SSH2: variants seen among roughly 807,000 people sequenced by gnomAD.
SSH2 encodes the protein protein phosphatase Slingshot homolog 2.
Under a neutral mutation model 135.2 loss-of-function variants are expected in SSH2, and 37 were observed. That is an observed-to-expected ratio of 0.27 (90% CI 0.21 to 0.36). The LOEUF is 0.36. Among genes scored for constraint, SSH2 ranks in the 10% least tolerant of loss-of-function variants. The probability of loss-of-function intolerance (pLI) is 1.00; values close to 1 mark genes in which losing one functional copy is unlikely to be tolerated. For synonymous variants in SSH2, 628 were observed against 646.2 expected, an observed-to-expected ratio of 0.97 and a Z score of 0.43; for missense variants, 1,408 against 1,765.3, an observed-to-expected ratio of 0.80 and a Z score of 3.63.
intron 9 of SSH2, among the ~76,000 whole-genome samples, chr17:29,670,401 G>C (rs2037444901): frequency 6.6e-6 from 1 of 152,128 alleles, no homozygotes; most frequent in African/African-American, 2.4e-5. Flanking sequence ...CTACTAAAAA[G>C]AAGGTCCTAG....
At chr17:29,827,500 T>C (rs1345296480) in intron 2 of SSH2, among the ~76,000 whole-genome samples, 1 of 152,208 alleles carries the variant, frequency 6.6e-6, no homozygotes, top group Non-Finnish European at 1.5e-5. Flanking sequence ...GCTTGGAACA[T>C]ACTAAGTTAG....
chr17:29,737,098 C>CAAA (rs59098464), intron 3 of SSH2, among the ~76,000 whole-genome samples: 5 of 63,402 alleles, frequency 7.9e-5, no homozygotes, highest in East Asian at 7.9e-4. Context: ...GACTCTGTCT[C>CAAA]AAAAAAAAAA....
intron 3 of SSH2, among the ~76,000 whole-genome samples, chr17:29,761,871 G>GTGTATATA (rs1334168372): frequency 4.1e-5 from 4 of 98,740 alleles, no homozygotes; most frequent in African/African-American, 1.7e-4. Flanking sequence ...GTGTGTGTGT[G>GTGTATATA]TATATATATA....
At chr17:29,842,475 C>T (rs78154346) in intron 2 of SSH2, among the ~76,000 whole-genome samples, 58,361 of 147,426 alleles carry the variant, frequency 0.4, 14,095 homozygotes, top group East Asian at 0.69. Flanking sequence ...AAAAAAAGAT[C>T]ATCAGGTGAT....
At chr17:29,756,190 T>TTGAACCCAGGGGGCGGAGGTTGCGG (rs1420602930) in intron 3 of SSH2, among the ~76,000 whole-genome samples, 137 of 151,344 alleles carry the variant, frequency 9.1e-4, no homozygotes, top group African/African-American at 3.2e-3. Context: ...AAAGAATCGC[T>TTGAACCCAGGGGGCGGAGGTTGCGG]TGAACCCAGG....
intron 3 of SSH2, among the ~76,000 whole-genome samples, chr17:29,704,278 A>G (rs1039845861): frequency 1.3e-5 from 2 of 152,232 alleles, no homozygotes; most frequent in African/African-American, 4.8e-5. Context: ...AAATTTTACT[A>G]CTGCCAACTT....
chr17:29,739,625 G>T (rs1567934437), intron 3 of SSH2, among the ~76,000 whole-genome samples: 1 of 152,142 alleles, frequency 6.6e-6, no homozygotes, highest in Admixed American at 6.5e-5. Flanking sequence ...AAAAGTGTTA[G>T]CCCTAATAAT....
At chr17:29,871,939 T>A (rs1024995048) in intron 1 of SSH2, among the ~76,000 whole-genome samples, 2 of 152,214 alleles carry the variant, frequency 1.3e-5, no homozygotes, top group Admixed American at 6.5e-5. Flanking sequence ...GCTCAAATGT[T>A]CAACAACAGA....
At chr17:29,690,978 A>G (rs945272374) in intron 5 of SSH2, among the ~76,000 whole-genome samples, 2 of 151,998 alleles carry the variant, frequency 1.3e-5, no homozygotes, top group African/African-American at 4.8e-5. Flanking sequence ...TCTCTCATAT[A>G]TACATATTTA....
intron 11 of SSH2, among the ~76,000 whole-genome samples, chr17:29,662,705 T>C (rs2037100041): frequency 1.3e-5 from 2 of 152,174 alleles, no homozygotes; most frequent in Admixed American, 6.5e-5. Context: ...TCATGGGGGT[T>C]TGTTGTACAG....
chr17:29,759,654 A>C (rs981688799), intron 3 of SSH2, among the ~76,000 whole-genome samples: 7 of 152,186 alleles, frequency 4.6e-5, no homozygotes, highest in African/African-American at 1.7e-4. Flanking sequence ...GGTACCTCAT[A>C]TAAATGAAAT....
At chr17:29,854,828 T>A (rs1306673404) in intron 1 of SSH2, among the ~76,000 whole-genome samples, 3 of 152,058 alleles carry the variant, frequency 2.0e-5, no homozygotes, top group Non-Finnish European at 4.4e-5. Flanking sequence ...ATGCCTGTAA[T>A]CCCAGCTACT....
rs983399921 is a variant in SSH2, at chr17:29,629,661, T to C, written c.*1180A>G. The C allele has an allele frequency of 6.6e-6, 1 of 152,546 alleles. No homozygotes were observed. The highest frequency in any genetic ancestry group is 1.5e-5 in the Non-Finnish European group (1 of 68,014). The allele number at this position is 152,546 out of a possible 1,614,324, so 9.4% of individuals were successfully genotyped here. A position where few individuals can be genotyped will look rare whatever the true frequency, so the allele number is the denominator to read the frequency against. On this transcript the variant is annotated 3_prime_UTR_variant, in exon 16 of 16. Coordinates refer to ENST00000540801, the MANE Select transcript of SSH2 (RefSeq NM_001282129.2). ...TAAGACAGTGACAATATTATGTACA[T>C]AAATACTGTGTACAAACTTTAGAGA...
chr17:29,837,950 G>A (rs1337706149), intron 2 of SSH2, among the ~76,000 whole-genome samples: 1 of 152,236 alleles, frequency 6.6e-6, no homozygotes, highest in Non-Finnish European at 1.5e-5. Flanking sequence ...TGCAACCTGG[G>A]CACCCCTGTG....
chr17:29,673,959 G>A, intron 8 of SSH2: 1 of 343,866 alleles, frequency 2.9e-6, no homozygotes, highest in South Asian at 2.3e-5. Context: ...TTAGAACACT[G>A]ACAAACATTC....
intron 2 of SSH2, among the ~76,000 whole-genome samples, chr17:29,803,490 C>T (rs1208207770): frequency 6.6e-6 from 1 of 152,112 alleles, no homozygotes; most frequent in African/African-American, 2.4e-5. Context: ...AATAATGGCT[C>T]AGGGCTCCAA....
intron 1 of SSH2, among the ~76,000 whole-genome samples, chr17:29,922,160 A>G (rs9909642): frequency 0.029 from 4,379 of 152,246 alleles, 198 homozygotes; most frequent in African/African-American, 0.099. Flanking sequence ...GCAAAAGCCT[A>G]AAGACCAAAG....
intron 3 of SSH2, among the ~76,000 whole-genome samples, chr17:29,759,146 C>T (rs1436488786): frequency 1.3e-5 from 2 of 152,158 alleles, no homozygotes; most frequent in African/African-American, 2.4e-5. Context: ...AGCTATCTTT[C>T]CACCTCAGCC....
intron 3 of SSH2, among the ~76,000 whole-genome samples, chr17:29,720,900 TTC>T (rs2039801314): frequency 6.6e-6 from 1 of 152,348 alleles, no homozygotes; most frequent in Admixed American, 6.5e-5. Context: ...CCATCCAGTG[TTC>T]TCTGTTTCCT....
Sources: allele counts gnomAD v4.1 joint callset (sites outside exome capture counted in the v4.1 genomes callset), GRCh38; gene constraint gnomAD v4.1.1; transcripts MANE v1.5; gene names NCBI Gene and HGNC (gene_info 2026-07-23, HGNC 2026-07-21).